Variants in DDX50 observed in about 807,000 individuals in gnomAD.
The protein encoded by DDX50 is DExD-box helicase 50, also known as ATP-dependent RNA helicase DDX50.
In DDX50, 56 loss-of-function variants were observed where a neutral mutation model predicts 94.8. The observed-to-expected ratio is 0.59, with a 90% CI of 0.48 to 0.74. The LOEUF (loss-of-function observed/expected upper bound fraction) is 0.74, where lower values mean the gene tolerates loss of function less well. Ranked by LOEUF, DDX50 falls within the 30% of genes least tolerant of loss-of-function variation. The pLI, the probability that DDX50 is intolerant of heterozygous loss-of-function variation, is 0.00. For synonymous variants in DDX50, 264 were observed against 295.4 expected (o/e 0.89, Z 1.09); for missense variants, 713 against 881.2 (o/e 0.81, Z 2.42).
intron 13 of DDX50, among the ~76,000 whole-genome samples, chr10:68,941,919 C>T (rs1438571460): frequency 6.6e-6 from 1 of 151,964 alleles, no homozygotes; most frequent in Non-Finnish European, 1.5e-5. Context: ...GGATTACAGG[C>T]GTGAGCCACC....
Position 68,915,670 on chromosome 10 carries a change from C to T in DDX50, c.1089+1466C>T, listed in dbSNP as rs1434654910. On this transcript the variant is annotated intron_variant, in intron 7 of 14. Transcript: ENST00000373585. The stretch of plus-strand genomic sequence containing the variant: ...GGCGGAGGTTGCAGTGAGCCAAGAT[C>T]GTGCCACTGCACTCCAGTCTGGAGA... Among the ~76,000 whole-genome samples, 43 of 150,062 alleles carry T rather than the reference C, an allele frequency of 2.9e-4. 1 individual carries two copies. The highest frequency in any genetic ancestry group is 2.5e-3 in the Admixed American group (37 of 15,032).
At chr10:68,917,911 A>T (rs1396383753) in intron 7 of DDX50, among the ~76,000 whole-genome samples, 6 of 151,026 alleles carry the variant, frequency 4.0e-5, no homozygotes, top group African/African-American at 1.5e-4. Flanking sequence ...CCTCCCCGTA[A>T]GTATTTTAAC....
intron 8 of DDX50, among the ~76,000 whole-genome samples, chr10:68,925,214 C>T (rs1161560233): frequency 6.6e-6 from 1 of 150,842 alleles, no homozygotes; most frequent in Non-Finnish European, 1.5e-5. Context: ...AGTGATTCTC[C>T]TGCCTGAGTC....
intron 7 of DDX50, among the ~76,000 whole-genome samples, chr10:68,916,345 C>G (rs1225187157): frequency 2.2e-4 from 21 of 94,438 alleles, no homozygotes; most frequent in Non-Finnish European, 4.2e-4. Flanking sequence ...CAGATTGAGA[C>G]TCTGTCTCAA....
At chr10:68,919,514 T>A (rs949651430) in intron 7 of DDX50, among the ~76,000 whole-genome samples, 5 of 152,254 alleles carry the variant, frequency 3.3e-5, no homozygotes, top group Non-Finnish European at 7.3e-5. Flanking sequence ...ATAAATGGAA[T>A]GATACTGTAT....
At position 68,946,633 on chromosome 10, in the gene DDX50, A is replaced by G; in HGVS notation, c.*3A>G. 6.2e-7 allele frequency: 1 copy of G among 1,610,444 alleles called. No homozygotes were observed. Among genetic ancestry groups the G allele is most frequent in the South Asian group, 1.1e-5 (1 of 91,036 alleles). On this transcript the variant is annotated 3_prime_UTR_variant, in exon 15 of 15. Coordinates refer to ENST00000373585, the MANE Select transcript of DDX50 (RefSeq NM_024045.2). ...GCCACAAACGGAGTTTTGACTGAGT[A>G]TTTGATAGTTAATCTACCAGTGTGA...
chr10:68,929,319 TTCTC>T (rs534627005), intron 8 of DDX50, among the ~76,000 whole-genome samples: 12 of 135,878 alleles, frequency 8.8e-5, no homozygotes, highest in Admixed American at 8.2e-4. Context: ...CTCTCTTTCT[TTCTC>T]TTTCTTTCTT....
At chr10:68,909,175 G>A (rs545551571) in intron 2 of DDX50, among the ~76,000 whole-genome samples, 23 of 152,236 alleles carry the variant, frequency 1.5e-4, no homozygotes, top group Non-Finnish European at 2.9e-4. Context: ...GGTAACAGCA[G>A]CATTGAAGTT....
chr10:68,913,296 G>T lies in DDX50; in HGVS notation c.757+17G>T, dbSNP rs1404068137. On this transcript the variant is annotated intron_variant, in intron 5 of 14. Coordinates refer to ENST00000373585, the MANE Select transcript of DDX50 (RefSeq NM_024045.2). ...AAAGCCAAAGTGAGTAAATATGTTT[G>T]ATAGACGTGCAAAGGCATATTTGAT... is the stretch of plus-strand genomic sequence containing the variant. The T allele has an allele frequency of 6.2e-7, 1 of 1,607,094 alleles. No individual in the cohort carries two copies. Among genetic ancestry groups the T allele is most frequent in the South Asian group, 1.1e-5 (1 of 89,162 alleles).
chr10:68,924,640 CTG>C (rs1396222315), intron 8 of DDX50, among the ~76,000 whole-genome samples: 11 of 148,948 alleles, frequency 7.4e-5, no homozygotes, highest in African/African-American at 2.5e-4. Flanking sequence ...AAAATATAGT[CTG>C]TAAATTATAT....
intron 8 of DDX50, among the ~76,000 whole-genome samples, chr10:68,922,618 C>T (rs1017030827): frequency 2.0e-5 from 3 of 151,840 alleles, no homozygotes; most frequent in Non-Finnish European, 4.4e-5. Flanking sequence ...TATAGCAAGA[C>T]CCTGTCTCTA....
chr10:68,925,173 G>A (rs1281925967), intron 8 of DDX50, among the ~76,000 whole-genome samples: 1 of 131,906 alleles, frequency 7.6e-6, no homozygotes, highest in East Asian at 2.3e-4. Flanking sequence ...GTGCGATCTT[G>A]GCTCACCACA....
chr10:68,919,710 G>C, intron 7 of DDX50, 122 bp from the exon 8 acceptor site: 1 of 1,175,942 alleles, frequency 8.5e-7, no homozygotes, highest in African/African-American at 1.6e-5. Context: ...CTGTTGAGGA[G>C]AGTCTTTGTC....
At position 68,906,747 on chromosome 10, in the gene DDX50, G is replaced by T. The variant is rs2132021089; in HGVS notation, c.124G>T (p.Asp42Tyr). 1 of 1,612,210 alleles carries T rather than the reference G, an allele frequency of 6.2e-7. No individual in the cohort carries two copies. Among genetic ancestry groups the T allele is most frequent in the East Asian group, 2.2e-5 (1 of 44,864 alleles). ...GAAGTCAAGGCACCATTATGACTCGGATGAGAAATCAGAAACAAGAGAAAA... is the reference window on the plus strand; with the variant it reads ...GAAGTCAAGGCACCATTATGACTCGTATGAGAAATCAGAAACAAGAGAAAA... ...RRKSRHHYDS[D>Y]EKSETRENGV... Residue 42 changes from aspartate (D) to tyrosine (Y), a missense_variant, in exon 2 of 15, where the codon GAT becomes TAT. Physicochemically the swap from Asp to Tyr is radical, Grantham distance 160. This residue lies in a region of DDX50 where 285 missense variants were observed against 278.9 expected (regional missense o/e 1.02). Transcript: ENST00000373585.
intron 8 of DDX50, among the ~76,000 whole-genome samples, chr10:68,922,649 C>T (rs1371273454): frequency 1.3e-5 from 2 of 151,826 alleles, no homozygotes; most frequent in African/African-American, 4.8e-5. Flanking sequence ...AAAAATTAGC[C>T]AGAGGTGGTG....
chr10:68,912,198 T>G (rs376733208), intron 4 of DDX50, among the ~76,000 whole-genome samples: 20 of 152,154 alleles, frequency 1.3e-4, no homozygotes, highest in East Asian at 3.9e-4. Context: ...CACTGCTTTT[T>G]TTTTGTTTTG....
chr10:68,944,896 T>C (rs1189063415), intron 14 of DDX50, among the ~76,000 whole-genome samples: 1 of 152,142 alleles, frequency 6.6e-6, no homozygotes, highest in Non-Finnish European at 1.5e-5. Context: ...TTGCCCAGGC[T>C]GGTCTCAAAC....
At chr10:68,912,460 C>T (rs1841654889) in intron 4 of DDX50, among the ~76,000 whole-genome samples, 1 of 152,156 alleles carries the variant, frequency 6.6e-6, no homozygotes. Flanking sequence ...GTGATCCTTC[C>T]ACCTTGGCCT....
Position 68,936,077 on chromosome 10 carries a change from C to G in DDX50, c.1593C>G (p.Ile531Met), listed in dbSNP as rs748819146. Residue 531 changes from isoleucine (I) to methionine (M), a missense_variant and splice_region_variant, in exon 11 of 15, where the codon ATC becomes ATG. By Grantham distance (10) the Ile-to-Met change is conservative. Transcript: ENST00000373585. ...TTAAATCTAAAAGCATGGATGCCAT[C>G]AGGTATGCTTTCTGAACTTGCTGAA... is the stretch of plus-strand genomic sequence containing the variant. ...DLVKSKSMDA[I>M]RSLASVSYAA... is the part of the protein sequence containing the mutation. 3 of 1,608,400 alleles carry G rather than the reference C, an allele frequency of 1.9e-6. No individual in the cohort carries two copies. The highest frequency in any genetic ancestry group is 2.5e-6 in the Non-Finnish European group (3 of 1,177,406).
Sources: allele counts gnomAD v4.1 joint callset (sites outside exome capture counted in the v4.1 genomes callset), GRCh38; gene constraint gnomAD v4.1.1; regional missense constraint gnomAD v4.1.1; transcripts MANE v1.5; gene names NCBI Gene and HGNC (gene_info 2026-07-23, HGNC 2026-07-21).